The following SUZ12 variants were observed in gnomAD, a reference collection of about 807,000 sequenced individuals.
SUZ12 encodes polycomb protein SUZ12.
A neutral mutation model predicts 87.3 loss-of-function variants in SUZ12; 17 were observed. The observed-to-expected ratio is 0.19, with a 90% CI of 0.13 to 0.29. SUZ12 has a LOEUF of 0.29. Among genes scored for constraint, SUZ12 ranks in the 10% least tolerant of loss-of-function variants. The pLI is 1.00. For missense variants in SUZ12, 526 were observed against 912.2 expected (o/e 0.58, Z 5.45); for synonymous variants, 253 against 312.4 (o/e 0.81, Z 2.01).
intron 10 of SUZ12, among the ~76,000 whole-genome samples, chr17:31,989,038 A>T (rs568661618): frequency 3.3e-5 from 5 of 152,052 alleles, no homozygotes; most frequent in Non-Finnish European, 7.4e-5. Flanking sequence ...ACTGCACTCC[A>T]GCCTGGGAGA....
At chr17:31,987,757 C>A (rs1040249129) in intron 9 of SUZ12, among the ~76,000 whole-genome samples, 39 of 152,064 alleles carry the variant, frequency 2.6e-4, no homozygotes, top group South Asian at 1.9e-3. Flanking sequence ...ATGATGAAAC[C>A]CCGTCTCTAC....
At chr17:31,941,118 T>G (rs1029077625) in intron 3 of SUZ12, among the ~76,000 whole-genome samples, 7 of 150,880 alleles carry the variant, frequency 4.6e-5, no homozygotes, top group Non-Finnish European at 7.4e-5. Context: ...TGTTTGTTTG[T>G]TTTTTTTTGA....
chr17:31,985,431 CAT>C (rs755761505), intron 9 of SUZ12, among the ~76,000 whole-genome samples: 177 of 148,720 alleles, frequency 1.2e-3, no homozygotes, highest in African/African-American at 3.6e-3. Context: ...TAACTGTATA[CAT>C]ATATATATAT....
chr17:31,937,519 G>A lies in SUZ12; in HGVS notation c.273G>A (p.Glu91=), dbSNP rs1165426945. The A allele has an allele frequency of 6.5e-7, 1 of 1,539,226 alleles. No homozygotes were observed. Among genetic ancestry groups the A allele is most frequent in the Non-Finnish European group, 8.7e-7 (1 of 1,146,474 alleles). The part of the protein sequence containing the change: ...ADHELFLQAF[E]KPTQIYRFLR... ...ACGAGCTTTTCCTCCAGGCCTTTGA[G>A]AGTGAGTGTGTGCGAGGCTTTGAGG... Residue 91 remains glutamate, a splice_region_variant and synonymous_variant, in exon 1 of 16, where the codon GAG becomes GAA. Coordinates refer to ENST00000322652, the MANE Select transcript of SUZ12 (RefSeq NM_015355.4).
intron 8 of SUZ12, among the ~76,000 whole-genome samples, chr17:31,978,517 T>G (rs923093910): frequency 2.0e-5 from 3 of 152,106 alleles, no homozygotes; most frequent in Non-Finnish European, 4.4e-5. Flanking sequence ...AGTGTCTTTT[T>G]AAAGTCAGAA....
chr17:31,940,057 A>T (rs1168723129), intron 1 of SUZ12, among the ~76,000 whole-genome samples: 1 of 152,224 alleles, frequency 6.6e-6, no homozygotes, highest in Non-Finnish European at 1.5e-5. Flanking sequence ...TATTGTAGAG[A>T]ACCTTCAGTA....
chr17:31,961,394 A>G (rs1907703846), intron 4 of SUZ12, among the ~76,000 whole-genome samples: 2 of 151,990 alleles, frequency 1.3e-5, no homozygotes, highest in African/African-American at 4.8e-5. Context: ...TAAAAACAGG[A>G]AAATTAACCT....
chr17:32,000,279 T>C lies in SUZ12; in HGVS notation c.*1276T>C, dbSNP rs1483750229. ...ATTTTAAAATTTCATTCCACCACCA[T>C]CAGATGCAGTTCCCTATTTTGTTTA... On this transcript the variant is annotated 3_prime_UTR_variant, in exon 16 of 16. Transcript: ENST00000322652. 1 of 233,026 alleles carries C rather than the reference T, an allele frequency of 4.3e-6. No individual in the cohort carries two copies. The highest frequency in any genetic ancestry group is 8.5e-6 in the Non-Finnish European group (1 of 117,822). 14.4% of individuals were successfully genotyped at this position (233,026 alleles called of 1,614,324 possible).
At chr17:31,995,874 A>G in intron 14 of SUZ12, 112 bp downstream of exon 14, 1 of 840,020 alleles carries the variant, frequency 1.2e-6, no homozygotes, top group Non-Finnish European at 1.8e-6. Flanking sequence ...AAAAAAAAAA[A>G]AGGAATCCGG....
At chr17:31,970,971 T>C (rs1908394875) in intron 5 of SUZ12, among the ~76,000 whole-genome samples, 1 of 152,232 alleles carries the variant, frequency 6.6e-6, no homozygotes, top group Non-Finnish European at 1.5e-5. Flanking sequence ...TTTGGGACTT[T>C]AAAAACAAGT....
Position 31,983,059 on chromosome 17 carries a change from A to G in SUZ12, c.978A>G (p.Pro326=), listed in dbSNP as rs1404706340. 9 of 1,613,754 alleles carry G rather than the reference A, an allele frequency of 5.6e-6. No homozygotes were observed. Among genetic ancestry groups the G allele is most frequent in the Middle Eastern group, 1.7e-4 (1 of 6,056 alleles). Residue 326 remains proline, a synonymous_variant, in exon 9 of 16, where the codon CCA becomes CCG. Transcript: ENST00000322652. Reference sequence around the variant, plus strand: ...CCATGCAGGAAATGGAAGAATGTCCAATAAGCAAGAAAAGAGCAACATGGG... The same window carrying G: ...CCATGCAGGAAATGGAAGAATGTCCGATAAGCAAGAAAAGAGCAACATGGG... ...EVAMQEMEEC[P]ISKKRATWET...
At chr17:31,958,615 A>G (rs886473531) in intron 4 of SUZ12, among the ~76,000 whole-genome samples, 23 of 152,174 alleles carry the variant, frequency 1.5e-4, no homozygotes, top group African/African-American at 5.1e-4. Context: ...TGGGAGGTCA[A>G]GGCAGGCGGA....
At chr17:31,983,146 C>T (rs1909207369) in intron 9 of SUZ12, 42 bp downstream of exon 9, 2 of 1,569,658 alleles carry the variant, frequency 1.3e-6, no homozygotes, top group Admixed American at 1.9e-5. Context: ...TAGTTATGAA[C>T]TCCCATTTTT....
At chr17:31,994,301 A>G (rs1909862125) in intron 12 of SUZ12, 2 of 437,926 alleles carry the variant, frequency 4.6e-6, no homozygotes, top group Non-Finnish European at 7.9e-6. Context: ...TCCTCAACCA[A>G]CTCTTTGAAT....
intron 10 of SUZ12, among the ~76,000 whole-genome samples, chr17:31,990,930 G>A (rs1191896769): frequency 6.6e-6 from 1 of 151,774 alleles, no homozygotes; most frequent in Admixed American, 6.6e-5. Context: ...GTATTTTTCG[G>A]TAGAGATGGG....
chr17:31,982,233 T>A (rs1468903863), intron 8 of SUZ12, among the ~76,000 whole-genome samples: 1 of 152,196 alleles, frequency 6.6e-6, no homozygotes, highest in Admixed American at 6.5e-5. Flanking sequence ...TTCGTCATTA[T>A]AATAATCAGT....
At chr17:31,940,569 A>T in intron 3 of SUZ12, 83 bp downstream of exon 3, 2 of 1,515,748 alleles carry the variant, frequency 1.3e-6, no homozygotes, top group East Asian at 4.7e-5. Context: ...TTAAAAAAAA[A>T]AACGAACAAA....
chr17:31,942,381 G>A (rs1277144851), intron 3 of SUZ12, among the ~76,000 whole-genome samples: 2 of 151,504 alleles, frequency 1.3e-5, no homozygotes, highest in East Asian at 3.9e-4. Context: ...TGTTGCCCAG[G>A]CTGGAGTGCA....
At chr17:31,950,348 G>A (rs1357969434) in intron 4 of SUZ12, among the ~76,000 whole-genome samples, 3 of 152,184 alleles carry the variant, frequency 2.0e-5, no homozygotes, top group African/African-American at 7.2e-5. Context: ...TATGATGCCA[G>A]CAATATAAAT....
Sources: allele counts gnomAD v4.1 joint callset (sites outside exome capture counted in the v4.1 genomes callset), GRCh38; gene constraint gnomAD v4.1.1; transcripts MANE v1.5; gene names NCBI Gene and HGNC (gene_info 2026-07-23, HGNC 2026-07-21).